Variants in ANK3 observed in about 807,000 individuals in gnomAD.
The protein encoded by ANK3 is ankyrin 3.
Under a neutral mutation model 370.9 loss-of-function variants are expected in ANK3, and 57 were observed. The observed-to-expected ratio is 0.15, with a 90% CI of 0.12 to 0.19. The LOEUF is 0.19. Among genes scored for constraint, ANK3 ranks in the 10% least tolerant of loss-of-function variants. The pLI, the probability that ANK3 is intolerant of heterozygous loss-of-function variation, is 1.00. For synonymous variants in ANK3, 1,929 were observed against 1,946.3 expected, an observed-to-expected ratio of 0.99 and a Z score of 0.23; for missense variants, 4,439 against 5,302.1, an observed-to-expected ratio of 0.84 and a Z score of 5.06.
intron 2 of ANK3, among the ~76,000 whole-genome samples, chr10:60,422,477 T>A (rs991973547): frequency 5.3e-5 from 8 of 152,092 alleles, no homozygotes; most frequent in Admixed American, 1.3e-4. Flanking sequence ...GCCTAAAATA[T>A]TAAAATCTAT....
chr10:60,201,708 CTTTTTTTTT>C (rs10544317), intron 12 of ANK3, among the ~76,000 whole-genome samples: 1 of 120,282 alleles, frequency 8.3e-6, no homozygotes, highest in Non-Finnish European at 1.8e-5. Flanking sequence ...GAAATCACTT[CTTTTTTTTT>C]TTTTTTTTTT....
At chr10:60,640,816 G>T (rs545475232) in intron 1 of ANK3, among the ~76,000 whole-genome samples, 33 of 102,142 alleles carry the variant, frequency 3.2e-4, no homozygotes, top group African/African-American at 1.1e-3. Flanking sequence ...AGGAAATAAA[G>T]GGTATTCAAT....
At chr10:60,698,837 G>C (rs1426251871) in intron 1 of ANK3, among the ~76,000 whole-genome samples, 2 of 150,358 alleles carry the variant, frequency 1.3e-5, no homozygotes, top group African/African-American at 2.4e-5. Flanking sequence ...CACCAGCATG[G>C]CACATGTATA....
At chr10:60,313,981 C>G (rs2046914102) in intron 1 of ANK3, among the ~76,000 whole-genome samples, 1 of 147,328 alleles carries the variant, frequency 6.8e-6, no homozygotes, top group African/African-American at 2.5e-5. Context: ...TTATATGTAG[C>G]TCTAGTAGTT....
intron 2 of ANK3, among the ~76,000 whole-genome samples, chr10:60,400,729 T>G (rs1015299339): frequency 3.9e-5 from 6 of 152,190 alleles, no homozygotes; most frequent in Non-Finnish European, 7.3e-5. Flanking sequence ...TTTAAGTTCT[T>G]GGGTGCATGT....
At chr10:60,685,204 C>A in intron 1 of ANK3, 1 of 398,800 alleles carries the variant, frequency 2.5e-6, no homozygotes, top group Non-Finnish European at 4.8e-6. Context: ...TTGTATTGTT[C>A]AATGATCAGA....
intron 2 of ANK3, among the ~76,000 whole-genome samples, chr10:60,416,286 G>A (rs1005486214): frequency 9.2e-5 from 14 of 152,160 alleles, no homozygotes; most frequent in African/African-American, 3.1e-4. Context: ...TAAAATAGAA[G>A]ATGGATAATG....
intron 8 of ANK3, among the ~76,000 whole-genome samples, chr10:60,227,084 C>T (rs961505740): frequency 6.6e-6 from 1 of 151,782 alleles, no homozygotes; most frequent in African/African-American, 2.4e-5. Context: ...TTCGTCTGGG[C>T]CTGATGGTAA....
intron 2 of ANK3, among the ~76,000 whole-genome samples, chr10:60,499,164 T>A (rs761690606): frequency 6.6e-6 from 1 of 152,216 alleles, no homozygotes; most frequent in Non-Finnish European, 1.5e-5. Flanking sequence ...AATATGTCCA[T>A]AAAACTTCAT....
At chr10:60,313,384 A>G (rs780988320) in intron 1 of ANK3, among the ~76,000 whole-genome samples, 19 of 152,238 alleles carry the variant, frequency 1.2e-4, no homozygotes, top group Non-Finnish European at 2.4e-4. Flanking sequence ...TTGCAAAAAA[A>G]AGAGCCTCAC....
At chr10:60,084,919 G>A in intron 31 of ANK3, 89 bp from the exon 32 acceptor site, 1 of 1,015,604 alleles carries the variant, frequency 9.8e-7, no homozygotes, top group Non-Finnish European at 1.4e-6. Context: ...ATCAGAATAT[G>A]TAAAGGAACT....
chr10:60,308,217 A>G (rs1208638775), intron 1 of ANK3, among the ~76,000 whole-genome samples: 1 of 152,134 alleles, frequency 6.6e-6, no homozygotes, highest in Non-Finnish European at 1.5e-5. Context: ...AGCCAAGATA[A>G]CAGATAAGAC....
At chr10:60,078,139 C>A (rs1271488331) in intron 36 of ANK3, among the ~76,000 whole-genome samples, 1 of 152,206 alleles carries the variant, frequency 6.6e-6, no homozygotes, top group Non-Finnish European at 1.5e-5. Flanking sequence ...TGAGAATCTG[C>A]TTCAGCTTTT....
At chr10:60,256,706 A>C (rs2097742595) in intron 7 of ANK3, among the ~76,000 whole-genome samples, 1 of 152,096 alleles carries the variant, frequency 6.6e-6, no homozygotes, top group Non-Finnish European at 1.5e-5. Flanking sequence ...CCCACTAGTA[A>C]ATGAGAATAC....
At chr10:60,577,609 T>C (rs373796236) in intron 2 of ANK3, among the ~76,000 whole-genome samples, 1 of 152,158 alleles carries the variant, frequency 6.6e-6, no homozygotes, top group African/African-American at 2.4e-5. Context: ...TCCACCATGA[T>C]TGTGAGGCGT....
At chr10:60,264,234 T>G (rs1292059070) in intron 5 of ANK3, among the ~76,000 whole-genome samples, 4 of 152,152 alleles carry the variant, frequency 2.6e-5, no homozygotes, top group Non-Finnish European at 5.9e-5. Context: ...TGTAATAAGT[T>G]CATGGGTTTT....
At chr10:60,604,457 C>G (rs1595342679) in intron 2 of ANK3, among the ~76,000 whole-genome samples, 1 of 152,086 alleles carries the variant, frequency 6.6e-6, no homozygotes, top group Admixed American at 6.6e-5. Flanking sequence ...CAATATCAAA[C>G]ACAAAAGTTG....
rs200309538 is a variant in ANK3 at position 60,698,897 on chromosome 10, TATAATA to T, written c.57+34360_57+34365del. ...TGCACATGTACCCTAAAACTTAAAG[TATAATA>T]ATAATAATAATAATAATAAAGAAAA... is the stretch of plus-strand genomic sequence containing the variant. On this transcript the variant is annotated intron_variant, in intron 1 of 43. Transcript: ENST00000373827. Among the ~76,000 whole-genome samples the T allele has an allele frequency of 8.4e-4, 122 of 145,902 alleles. No homozygotes were observed. The East Asian group carries it at 0.014, about 17-fold the overall frequency.
intron 5 of ANK3, 48 bp downstream of exon 5, chr10:60,270,083 G>T (rs1351181514): frequency 7.8e-7 from 1 of 1,278,340 alleles, no homozygotes; most frequent in Non-Finnish European, 1.1e-6. Context: ...TTTTCAAAAT[G>T]CCCTATAAAT....
Sources: allele counts gnomAD v4.1 joint callset (sites outside exome capture counted in the v4.1 genomes callset), GRCh38; gene constraint gnomAD v4.1.1; transcripts MANE v1.5; gene names NCBI Gene and HGNC (gene_info 2026-07-23, HGNC 2026-07-21).